The following KDM5B variants were observed in gnomAD, a reference collection of about 807,000 sequenced individuals.
KDM5B encodes lysine-specific demethylase 5B.
Under a neutral mutation model 193.4 loss-of-function variants are expected in KDM5B, and 144 were observed. The observed-to-expected ratio is 0.74, with a 90% CI of 0.65 to 0.86. The LOEUF is 0.86. KDM5B is among the 40% of genes least tolerant of loss of function. KDM5B has a pLI of 0.00. For missense variants in KDM5B, 1,833 were observed against 1,886.9 expected, an observed-to-expected ratio of 0.97 and a Z score of 0.53; for synonymous variants, 668 against 682.6, an observed-to-expected ratio of 0.98 and a Z score of 0.33.
At chr1:202,730,152 C>A in intron 25 of KDM5B, 125 bp from the exon 26 acceptor site, 1 of 865,284 alleles carries the variant, frequency 1.2e-6, no homozygotes. Context: ...GAAAAAAATA[C>A]TGCATCTTAA....
chr1:202,734,034 T>A, intron 22 of KDM5B, 148 bp from the exon 23 acceptor site: 1 of 985,236 alleles, frequency 1.0e-6, no homozygotes, highest in Non-Finnish European at 1.5e-6. Flanking sequence ...GTGAGTGACC[T>A]GGTGCCATGT....
At chr1:202,777,994 G>GA (rs1657034019) in intron 1 of KDM5B, among the ~76,000 whole-genome samples, 1 of 152,024 alleles carries the variant, frequency 6.6e-6, no homozygotes, top group South Asian at 2.1e-4. Flanking sequence ...GACCAACATG[G>GA]TGAAACCCTG....
Position 202,748,973 on chromosome 1 carries a change from T to C in KDM5B, c.1988A>G (p.Lys663Arg). The change falls in exon 14 of 27, where the codon AAA becomes AGA. Residue 663 changes from lysine (K) to arginine (R), a missense_variant. Physicochemically the swap from Lys to Arg is conservative, Grantham distance 26. Transcript: ENST00000367265. ...KDMAIMIEDE[K>R]ALRETVRKLG... ...TTTACGGACAGTTTCTCTTAAAGCTTTCTCATCCTCAATCATAATGGCCAT... is the reference window on the plus strand; with the variant it reads ...TTTACGGACAGTTTCTCTTAAAGCTCTCTCATCCTCAATCATAATGGCCAT... The C allele has an allele frequency of 4.3e-6, 7 of 1,612,572 alleles. No individual in the cohort carries two copies. Among genetic ancestry groups the C allele is most frequent in the Non-Finnish European group, 5.9e-6 (7 of 1,179,414 alleles).
chr1:202,804,282 T>C (rs982176794), intron 1 of KDM5B, among the ~76,000 whole-genome samples: 1 of 152,126 alleles, frequency 6.6e-6, no homozygotes. Flanking sequence ...TATAAGTTCT[T>C]CCTTTGCTCA....
At chr1:202,744,372 A>T (rs1419239681) in intron 16 of KDM5B, among the ~76,000 whole-genome samples, 1 of 152,186 alleles carries the variant, frequency 6.6e-6, no homozygotes, top group East Asian at 1.9e-4. Flanking sequence ...AGCCTGACTA[A>T]CATGGTGAAA....
intron 16 of KDM5B, among the ~76,000 whole-genome samples, chr1:202,745,277 C>A (rs1431222943): frequency 1.3e-5 from 2 of 152,146 alleles, no homozygotes; most frequent in East Asian, 3.8e-4. Context: ...ACGCCCATGA[C>A]ACAAGTTTAT....
At chr1:202,750,599 T>C in intron 13 of KDM5B, 60 bp downstream of exon 13, 2 of 1,574,264 alleles carry the variant, frequency 1.3e-6, no homozygotes, top group South Asian at 2.2e-5. Context: ...AAACATTATA[T>C]TCCATTTCCT....
chr1:202,756,285 T>A, intron 10 of KDM5B, 73 bp downstream of exon 10: 1 of 1,251,904 alleles, frequency 8.0e-7, no homozygotes. Flanking sequence ...CTAAAAGTAA[T>A]CATAAGTTAC....
At chr1:202,764,491 C>T (rs759442231) in intron 5 of KDM5B, among the ~76,000 whole-genome samples, 4 of 151,950 alleles carry the variant, frequency 2.6e-5, no homozygotes, top group Non-Finnish European at 4.4e-5. Flanking sequence ...AAAAAGTAGC[C>T]GGGCATGGTG....
At chr1:202,761,879 T>TC (rs1656263197) in intron 7 of KDM5B, among the ~76,000 whole-genome samples, 1 of 152,024 alleles carries the variant, frequency 6.6e-6, no homozygotes, top group Non-Finnish European at 1.5e-5. Context: ...AGCTGAGAAT[T>TC]CAACTAAATG....
chr1:202,779,591 A>G (rs1475201824), intron 1 of KDM5B, among the ~76,000 whole-genome samples: 1 of 152,090 alleles, frequency 6.6e-6, no homozygotes, highest in Non-Finnish European at 1.5e-5. Flanking sequence ...AGATCACCTG[A>G]GGTCAGGAGA....
chr1:202,754,390 T>G (rs1245416611), intron 11 of KDM5B, among the ~76,000 whole-genome samples: 4 of 152,164 alleles, frequency 2.6e-5, no homozygotes, highest in African/African-American at 9.7e-5. Context: ...AAAACAGATG[T>G]GAAGAAATGG....
chr1:202,760,513 A>G lies in KDM5B; in HGVS notation c.979T>C (p.Cys327Arg), dbSNP rs780814099. 6.2e-7 allele frequency: 1 copy of G among 1,613,546 alleles called. No homozygotes were observed. The highest frequency in any genetic ancestry group is 8.5e-7 in the Non-Finnish European group (1 of 1,179,650). ...TGGTAACTGTCATCACAGCCATCAC[A>G]CAACAGTAGCCGGTCTTCATCATTG... ...SGNDEDRLLL[C>R]DGCDDSYHTF... The change falls in exon 8 of 27, where the codon TGT (cysteine) becomes CGT (arginine). Residue 327 changes from cysteine to arginine, a missense_variant. Around this residue, in one of 3 missense-constraint regions of KDM5B, gnomAD observed 99 missense variants for 162.4 expected, o/e 0.61. Coordinates refer to ENST00000367265, the MANE Select transcript of KDM5B (RefSeq NM_006618.5).
In KDM5B at chr1:202,750,737, T is replaced by A. The variant is rs765562834; in HGVS notation, c.1743A>T (p.Thr581=). ...AACCACTGTGGTAGGCTCTTGGAAA[T>A]GTAATCACAAACTCCCCAGCACACT... ...TNQCAGEFVI[T]FPRAYHSGFN... The change falls in exon 13 of 27, where the codon ACA becomes ACT. Residue 581 remains threonine (T), a synonymous_variant. Transcript: ENST00000367265. 1 of 1,613,930 alleles carries A rather than the reference T, an allele frequency of 6.2e-7. No individual in the cohort carries two copies. Among genetic ancestry groups the A allele is most frequent in the Admixed American group, 1.7e-5 (1 of 60,002 alleles).
At chr1:202,787,124 C>T (rs1026438034) in intron 1 of KDM5B, among the ~76,000 whole-genome samples, 1 of 152,132 alleles carries the variant, frequency 6.6e-6, no homozygotes, top group East Asian at 1.9e-4. Context: ...TCATGCAATT[C>T]TCCCACCTCA....
At chr1:202,797,912 C>T (rs1421371066) in intron 1 of KDM5B, among the ~76,000 whole-genome samples, 2 of 152,332 alleles carry the variant, frequency 1.3e-5, no homozygotes, top group African/African-American at 2.4e-5. Flanking sequence ...AGGGACAGGC[C>T]GGGCATAGTG....
chr1:202,800,183 T>C (rs1658016402), intron 1 of KDM5B, among the ~76,000 whole-genome samples: 1 of 151,980 alleles, frequency 6.6e-6, no homozygotes, highest in Admixed American at 6.6e-5. Context: ...AGCTTGGGAC[T>C]ACAGGTGCGT....
chr1:202,740,609 C>T (rs978156814), intron 20 of KDM5B, 65 bp downstream of exon 20: 34 of 1,471,814 alleles, frequency 2.3e-5, no homozygotes, highest in Middle Eastern at 2.5e-4. Flanking sequence ...CCCTCCCGGA[C>T]GGGGCGCCAA....
intron 1 of KDM5B, among the ~76,000 whole-genome samples, chr1:202,780,995 TATC>T (rs144088189): frequency 7.2e-4 from 110 of 152,278 alleles, no homozygotes; most frequent in African/African-American, 2.6e-3. Context: ...TGTTGGAACT[TATC>T]ATTATAGACT....
Sources: gnomAD v4.1 joint callset for allele counts (sites outside exome capture counted in the v4.1 genomes callset) on GRCh38, gnomAD v4.1.1 for gene constraint, gnomAD v4.1.1 regional missense constraint, MANE v1.5 for transcripts, NCBI Gene and HGNC (gene_info 2026-07-23, HGNC 2026-07-21) for gene names.